CAMK1D: variants seen among roughly 807,000 people sequenced by gnomAD.
CAMK1D encodes calcium/calmodulin-dependent protein kinase type 1D.
Under a neutral mutation model 47.7 loss-of-function variants are expected in CAMK1D, and 9 were observed. The observed-to-expected ratio is 0.19, with a 90% CI of 0.11 to 0.33. The LOEUF (loss-of-function observed/expected upper bound fraction) is 0.33. CAMK1D is among the 10% of genes least tolerant of loss of function. The pLI is 1.00. For synonymous variants in CAMK1D, 184 were observed against 184.9 expected, an observed-to-expected ratio of 0.99 and a Z score of 0.04; for missense variants, 291 against 488.7, an observed-to-expected ratio of 0.60 and a Z score of 3.81.
Position 12,828,926 on chromosome 10 carries a change from A to C in CAMK1D, c.*39A>C. ...TGGGGCCCGGGGTCGGGGCTGGGGA[A>C]GGGGAGCCCCAGGGTCGCCAGAGCC... On this transcript the variant is annotated 3_prime_UTR_variant, in exon 11 of 11. Transcript: ENST00000619168. 6.8e-7 allele frequency: 1 copy of C among 1,466,816 alleles called. No individual in the cohort carries two copies. Among genetic ancestry groups the C allele is most frequent in the Non-Finnish European group, 9.2e-7 (1 of 1,088,550 alleles). 90.9% of individuals were successfully genotyped at this position (1,466,816 alleles called of 1,614,324 possible). A position where few individuals can be genotyped will look rare whatever the true frequency, so the allele number is the denominator to read the frequency against.
At chr10:12,735,719 A>T (rs1207635711) in intron 3 of CAMK1D, among the ~76,000 whole-genome samples, 1 of 151,892 alleles carries the variant, frequency 6.6e-6, no homozygotes, top group Non-Finnish European at 1.5e-5. Flanking sequence ...GTAGGCCGAG[A>T]TACAGAGCTG....
At chr10:12,411,058 T>C (rs745852403) in intron 1 of CAMK1D, among the ~76,000 whole-genome samples, 7 of 152,152 alleles carry the variant, frequency 4.6e-5, no homozygotes, top group Non-Finnish European at 7.3e-5. Context: ...CAAAAATCCA[T>C]TGTGCTTCTG....
intron 1 of CAMK1D, among the ~76,000 whole-genome samples, chr10:12,515,429 TCATTATAC>T (rs1835173742): frequency 7.1e-6 from 1 of 140,378 alleles, no homozygotes; most frequent in South Asian, 2.4e-4. Context: ...TTTTTTTTTT[TCATTATAC>T]TTTAAGTTTT....
chr10:12,586,105 T>C (rs1837809671), intron 2 of CAMK1D, among the ~76,000 whole-genome samples: 1 of 152,136 alleles, frequency 6.6e-6, no homozygotes, highest in Non-Finnish European at 1.5e-5. Flanking sequence ...ATCCAAACAT[T>C]TATGGAAGCC....
chr10:12,561,561 C>T (rs938106719), intron 2 of CAMK1D, among the ~76,000 whole-genome samples: 1 of 152,148 alleles, frequency 6.6e-6, no homozygotes, highest in Non-Finnish European at 1.5e-5. Context: ...GCTGAACTTT[C>T]CCCTAAGTCC....
chr10:12,431,569 A>G (rs1832477360), intron 1 of CAMK1D, among the ~76,000 whole-genome samples: 1 of 152,166 alleles, frequency 6.6e-6, no homozygotes, highest in Admixed American at 6.5e-5. Context: ...CCTCAGGGGA[A>G]TCCAGGGAGA....
In CAMK1D at chr10:12,524,436, G is replaced by A. The variant is rs148670214; in HGVS notation, c.93-28789G>A. On this transcript the variant is annotated intron_variant, in intron 1 of 10. Transcript: ENST00000619168. ...TAAAAACATCATTTTGACCAGGCGC[G>A]GTGGCGCACGCCTGTAATCCCAGTA... Among the ~76,000 whole-genome samples the A allele has an allele frequency of 3.3e-4, 50 of 152,174 alleles. 2 individuals carry two copies. In the East Asian group the frequency reaches 9.3e-3, roughly 28 times the overall value.
chr10:12,766,418 A>G (rs1467679099), intron 4 of CAMK1D, among the ~76,000 whole-genome samples: 1 of 134,528 alleles, frequency 7.4e-6, no homozygotes, highest in African/African-American at 2.9e-5. Flanking sequence ...GTTGGAGTGC[A>G]GTGGCGTACA....
chr10:12,750,131 T>C (rs1437249490), intron 3 of CAMK1D, among the ~76,000 whole-genome samples: 16 of 152,238 alleles, frequency 1.1e-4, no homozygotes, highest in Admixed American at 9.8e-4. Flanking sequence ...TTTAAAACTA[T>C]TATCTGTCAA....
intron 2 of CAMK1D, among the ~76,000 whole-genome samples, chr10:12,562,361 G>A (rs928226712): frequency 1.3e-5 from 2 of 152,176 alleles, no homozygotes; most frequent in African/African-American, 4.8e-5. Context: ...GCTGCATTGA[G>A]GATTTACGTT....
In CAMK1D at chr10:12,722,964, G is replaced by A. The variant is rs150874895; in HGVS notation, c.300-37984G>A. On this transcript the variant is annotated intron_variant, in intron 3 of 10. Transcript: ENST00000619168. The stretch of plus-strand genomic sequence containing the variant: ...TATAATCGGTGCTCTCGGGGCAGGT[G>A]GAAAATGGTGTGGGCTGGAATTTGA... Among the ~76,000 whole-genome samples, 153 of 152,288 alleles carry A rather than the reference G, an allele frequency of 1.0e-3. 5 individuals are homozygous for A. The highest frequency in any genetic ancestry group is 3.5e-3 in the African/African-American group (147 of 41,564).
rs1833354603 is a variant in CAMK1D at position 12,828,820 on chromosome 10, C to T, written c.1091C>T (p.Ser364Leu). The change falls in exon 11 of 11, where the codon TCA (serine) becomes TTA (leucine). Residue 364 changes from serine to leucine, a missense_variant. Physicochemically the swap from Ser to Leu is moderately radical, Grantham distance 145. Around this residue, in one of 2 missense-constraint regions of CAMK1D, gnomAD observed 72 missense variants for 64.4 expected, o/e 1.12. Coordinates refer to ENST00000619168, the MANE Select transcript of CAMK1D (RefSeq NM_153498.4). ...TTCATTTCTTCTTCGTCGGGGGTCT[C>T]AGGAGTTGGAGCCGAGCGGAGACCC... ...CSFISSSSGV[S>L]GVGAERRPRP... 1.9e-6 allele frequency: 3 copies of T among 1,613,776 alleles called. No homozygotes were observed. The highest frequency in any genetic ancestry group is 2.7e-5 in the African/African-American group (2 of 74,912).
intron 5 of CAMK1D, among the ~76,000 whole-genome samples, chr10:12,790,651 T>TA (rs35864170): frequency 0.43 from 65,456 of 151,462 alleles, 14,313 homozygotes; most frequent in East Asian, 0.62. Context: ...TCATTTTTTT[T>TA]AATTTACATT....
At chr10:12,497,798 G>T (rs1834586773) in intron 1 of CAMK1D, among the ~76,000 whole-genome samples, 1 of 152,186 alleles carries the variant, frequency 6.6e-6, no homozygotes, top group African/African-American at 2.4e-5. Context: ...GGATGTTGCA[G>T]GAAGATATTT....
chr10:12,356,351 G>C (rs762345549), intron 1 of CAMK1D, among the ~76,000 whole-genome samples: 4 of 152,172 alleles, frequency 2.6e-5, no homozygotes, highest in Non-Finnish European at 4.4e-5. Context: ...AATTCTCGGA[G>C]CACCTGCTCT....
chr10:12,416,821 C>T (rs1296789642), intron 1 of CAMK1D, among the ~76,000 whole-genome samples: 1 of 152,204 alleles, frequency 6.6e-6, no homozygotes, highest in Admixed American at 6.5e-5. Context: ...CCAGGGCTTC[C>T]CCTTTGCTCC....
chr10:12,513,534 C>A (rs141486032), intron 1 of CAMK1D, among the ~76,000 whole-genome samples: 349 of 152,214 alleles, frequency 2.3e-3, no homozygotes, highest in Non-Finnish European at 3.8e-3. Context: ...TGCCTGTAAT[C>A]CCAGCACTTT....
chr10:12,370,476 T>C (rs1180966005), intron 1 of CAMK1D, among the ~76,000 whole-genome samples: 1 of 152,074 alleles, frequency 6.6e-6, no homozygotes, highest in African/African-American at 2.4e-5. Context: ...AAAGCGTTGT[T>C]ATCGTAGGAG....
At chr10:12,729,961 CT>C (rs1588857881) in intron 3 of CAMK1D, among the ~76,000 whole-genome samples, 1 of 152,200 alleles carries the variant, frequency 6.6e-6, no homozygotes, top group African/African-American at 2.4e-5. Flanking sequence ...CTCCCCAGGA[CT>C]CCTGGACTTT....
Sources: allele counts gnomAD v4.1 joint callset (sites outside exome capture counted in the v4.1 genomes callset), GRCh38; gene constraint gnomAD v4.1.1; regional missense constraint gnomAD v4.1.1; transcripts MANE v1.5; gene names NCBI Gene and HGNC (gene_info 2026-07-23, HGNC 2026-07-21).